DENND1B: variants seen among roughly 807,000 people sequenced by gnomAD.
DENND1B encodes the protein DENN domain-containing protein 1B.
Under a neutral mutation model 90.1 loss-of-function variants are expected in DENND1B, and 59 were observed. The observed-to-expected ratio is 0.65, with a 90% CI of 0.53 to 0.81. The LOEUF (loss-of-function observed/expected upper bound fraction) is 0.81. Among genes scored for constraint, DENND1B ranks in the 40% least tolerant of loss-of-function variants. DENND1B has a pLI of 0.00. For synonymous variants in DENND1B, 337 were observed against 324.6 expected (o/e 1.04, Z -0.41); for missense variants, 862 against 912.6 (o/e 0.94, Z 0.71).
rs547043727 is a variant in DENND1B at position 197,668,332 on chromosome 1, A to G, written c.296+3705T>C. ...TTGTAGACACTGGGAATATATGAGT[A>G]AACAAAAGACAAAAATCCCTGCCCT... On this transcript the variant is annotated intron_variant, in intron 5 of 22. Coordinates refer to ENST00000620048, the MANE Select transcript of DENND1B (RefSeq NM_001195215.2). Among the ~76,000 whole-genome samples the G allele has an allele frequency of 1.1e-4, 17 of 151,812 alleles. No homozygotes were observed. The South Asian group carries it at 3.6e-3, about 32-fold the overall frequency.
intron 1 of DENND1B, chr1:197,774,636 A>C (rs1657037465): frequency 6.5e-6 from 1 of 152,680 alleles, no homozygotes; most frequent in African/African-American, 2.4e-5. Context: ...AAGCAGAATC[A>C]TAAGAAAACA....
At chr1:197,587,432 G>A (rs77142745) in intron 14 of DENND1B, among the ~76,000 whole-genome samples, 2,640 of 152,264 alleles carry the variant, frequency 0.017, 80 homozygotes, top group African/African-American at 0.061. Context: ...CAGTCATTTC[G>A]ATGGAAAGCC....
intron 3 of DENND1B, among the ~76,000 whole-genome samples, chr1:197,698,117 T>A (rs1658632786): frequency 6.6e-6 from 1 of 152,130 alleles, no homozygotes; most frequent in South Asian, 2.1e-4. Context: ...AGAATATACA[T>A]TCTTCTCAGT....
chr1:197,562,202 T>C (rs904099665), intron 15 of DENND1B, among the ~76,000 whole-genome samples: 2 of 151,878 alleles, frequency 1.3e-5, no homozygotes, highest in African/African-American at 2.4e-5. Context: ...AAGTCAGAGA[T>C]TGTCTTCTTC....
intron 10 of DENND1B, among the ~76,000 whole-genome samples, chr1:197,618,417 A>C (rs2125864594): frequency 6.6e-6 from 1 of 151,372 alleles, no homozygotes; most frequent in Non-Finnish European, 1.5e-5. Context: ...TCATATTTAA[A>C]CTGTTCATTC....
At chr1:197,625,990 C>T (rs1257835941) in intron 10 of DENND1B, among the ~76,000 whole-genome samples, 2 of 152,110 alleles carry the variant, frequency 1.3e-5, no homozygotes, top group South Asian at 4.1e-4. Context: ...AATACATATG[C>T]ACCCAATACA....
In DENND1B at chr1:197,628,335, T is replaced by G. The variant is rs544533862; in HGVS notation, c.673-10576A>C. On this transcript the variant is annotated intron_variant, in intron 10 of 22. Coordinates refer to ENST00000620048, the MANE Select transcript of DENND1B (RefSeq NM_001195215.2). ...ACTGGTACCAAAACAGATATATAGA[T>G]CAACGGAACAGAACAGAGCCCTCAG... Among the ~76,000 whole-genome samples the G allele has an allele frequency of 2.0e-5, 3 of 151,982 alleles. No homozygotes were observed. The East Asian group carries it at 5.8e-4, about 29-fold the overall frequency.
chr1:197,545,855 T>C, intron 18 of DENND1B, 67 bp downstream of exon 18: 1 of 1,299,220 alleles, frequency 7.7e-7, no homozygotes, highest in Non-Finnish European at 1.1e-6. Context: ...AGAATTTATA[T>C]GTCTATCACC....
At chr1:197,579,235 G>C (rs1190487031) in intron 15 of DENND1B, among the ~76,000 whole-genome samples, 4 of 152,128 alleles carry the variant, frequency 2.6e-5, no homozygotes, top group South Asian at 2.1e-4. Context: ...ACCAACACGA[G>C]GGGGGCAAAC....
intron 4 of DENND1B, among the ~76,000 whole-genome samples, chr1:197,673,684 T>C (rs1297529289): frequency 6.6e-6 from 1 of 152,144 alleles, no homozygotes; most frequent in Non-Finnish European, 1.5e-5. Context: ...TATAAAGCTA[T>C]TATTGAGAGA....
chr1:197,669,224 T>C (rs1655243506), intron 5 of DENND1B, among the ~76,000 whole-genome samples: 1 of 152,120 alleles, frequency 6.6e-6, no homozygotes, highest in African/African-American at 2.4e-5. Context: ...ACAAATCTTT[T>C]AGGGATTCCA....
intron 2 of DENND1B, chr1:197,746,888 T>G: frequency 6.2e-7 from 1 of 1,611,996 alleles, no homozygotes; most frequent in Non-Finnish European, 8.5e-7. Flanking sequence ...GGCAACTGCT[T>G]TGGCAATCTT....
intron 15 of DENND1B, among the ~76,000 whole-genome samples, chr1:197,569,561 TATACAC>T (rs1262586904): frequency 3.3e-4 from 12 of 36,470 alleles, no homozygotes; most frequent in Non-Finnish European, 4.1e-4. Flanking sequence ...GAAAATGTGG[TATACAC>T]ACACACACAC....
chr1:197,733,629 C>T (rs1310057920), intron 2 of DENND1B, among the ~76,000 whole-genome samples: 1 of 152,158 alleles, frequency 6.6e-6, no homozygotes, highest in Non-Finnish European at 1.5e-5. Flanking sequence ...TCAACATGCA[C>T]AATAATGATA....
chr1:197,625,374 A>G lies in DENND1B; in HGVS notation c.673-7615T>C, dbSNP rs536148071. Among the ~76,000 whole-genome samples, 232 of 152,242 alleles carry G rather than the reference A, an allele frequency of 1.5e-3. 1 individual carries two copies. Among genetic ancestry groups the G allele is most frequent in the Middle Eastern group, 6.8e-3 (2 of 294 alleles). On this transcript the variant is annotated intron_variant, in intron 10 of 22. Coordinates refer to ENST00000620048, the MANE Select transcript of DENND1B (RefSeq NM_001195215.2). ...GGGCCAATATTCAACATTCTTAAAGAAAAGAATTTTCAACCCAGAATTTCA... is the reference window on the plus strand; with the variant it reads ...GGGCCAATATTCAACATTCTTAAAGGAAAGAATTTTCAACCCAGAATTTCA...
chr1:197,578,480 G>A (rs1214819756), intron 15 of DENND1B, among the ~76,000 whole-genome samples: 1 of 151,996 alleles, frequency 6.6e-6, no homozygotes, highest in Non-Finnish European at 1.5e-5. Flanking sequence ...CCTGACCTCA[G>A]GTGATCCACC....
rs1572094326 is a variant in DENND1B, at chr1:197,622,068, A to G, written c.673-4309T>C. ...GACAAGAACTAATGCCTGTGAAACC[A>G]GACAGAGAAACCTGACAGCAAAGGT... On this transcript the variant is annotated intron_variant, in intron 10 of 22. Transcript: ENST00000620048. Among the ~76,000 whole-genome samples, 6 of 151,542 alleles carry G rather than the reference A, an allele frequency of 4.0e-5. 1 individual carries two copies. The South Asian group carries it at 1.2e-3, about 31-fold the overall frequency.
intron 2 of DENND1B, among the ~76,000 whole-genome samples, chr1:197,744,192 A>C (rs1337368398): frequency 1.3e-5 from 2 of 152,186 alleles, no homozygotes; most frequent in African/African-American, 4.8e-5. Flanking sequence ...CCTCCCATGA[A>C]TCATGAAATA....
intron 2 of DENND1B, among the ~76,000 whole-genome samples, chr1:197,746,217 C>A (rs965350722): frequency 2.0e-5 from 3 of 152,090 alleles, no homozygotes; most frequent in African/African-American, 4.8e-5. Context: ...CACAGCAAAA[C>A]CCGTCTCTAC....
Sources: gnomAD v4.1 joint callset for allele counts (sites outside exome capture counted in the v4.1 genomes callset) on GRCh38, gnomAD v4.1.1 for gene constraint, MANE v1.5 for transcripts, NCBI Gene and HGNC (gene_info 2026-07-23, HGNC 2026-07-21) for gene names.